The following NLRX1 variants were observed in gnomAD, a reference collection of about 807,000 sequenced individuals.
The protein encoded by NLRX1 is NLR family member X1.
Under a neutral mutation model 74.2 loss-of-function variants are expected in NLRX1, and 67 were observed. The observed-to-expected ratio is 0.90, with a 90% CI of 0.74 to 1.11. The LOEUF is 1.11. Ranked by LOEUF, NLRX1 falls within the 50% of genes least tolerant of loss-of-function variation. NLRX1 has a pLI of 0.00. For synonymous variants in NLRX1, 506 were observed against 559.1 expected, an observed-to-expected ratio of 0.91 and a Z score of 1.34; for missense variants, 1,191 against 1,305.4, an observed-to-expected ratio of 0.91 and a Z score of 1.35.
In NLRX1 at chr11:119,183,013, A is replaced by AG. The variant is rs1592339624; in HGVS notation, c.2607-104dup. ...TTGCAGTTACCTGATCGCACTCTGC[A>AG]GCCAGGAGATGAGTTGTGAGGCCCC... On this transcript the variant is annotated intron_variant, in intron 9 of 9. Coordinates refer to ENST00000409109, the MANE Select transcript of NLRX1 (RefSeq NM_001282144.2). The surrounding 1 kb of genome is among the most constrained non-coding windows in gnomAD (Gnocchi z 5.7). The AG allele has an allele frequency of 2.9e-6, 3 of 1,027,092 alleles. No individual in the cohort carries two copies. In the East Asian group the frequency reaches 7.8e-5, roughly 27 times the overall value. The allele number at this position is 1,027,092 out of a possible 1,614,324, so 63.6% of individuals were successfully genotyped here.
intron 6 of NLRX1, among the ~76,000 whole-genome samples, chr11:119,177,199 A>G (rs895135678): frequency 1.6e-4 from 24 of 151,900 alleles, no homozygotes; most frequent in African/African-American, 5.1e-4. Flanking sequence ...CTCCCAGCTC[A>G]GCCTCCCAAG....
chr11:119,181,487 C>T, intron 8 of NLRX1: 1 of 526,162 alleles, frequency 1.9e-6, no homozygotes, highest in Non-Finnish European at 3.5e-6. Flanking sequence ...CTAAAATCAG[C>T]CTGGGGGAGG....
Position 119,174,484 on chromosome 11 carries a change from C to T in NLRX1, c.881C>T (p.Ala294Val). The T allele has an allele frequency of 6.2e-7, 1 of 1,614,130 alleles. No homozygotes were observed. The highest frequency in any genetic ancestry group is 8.5e-7 in the Non-Finnish European group (1 of 1,179,984). Reference protein sequence around the residue: ...ASILVTTRPSAIGRIPSKYVG... With the variant: ...ASILVTTRPSVIGRIPSKYVG... Reference sequence around the variant, plus strand: ...ATTCTGGTGACCACTCGGCCCTCTGCCATTGGCCGTATCCCCAGCAAGTAC... The same window carrying T: ...ATTCTGGTGACCACTCGGCCCTCTGTCATTGGCCGTATCCCCAGCAAGTAC... The change falls in exon 6 of 10, where the codon GCC (alanine) becomes GTC (valine). Residue 294 changes from alanine to valine, a missense_variant. Physicochemically the swap from Ala to Val is moderately conservative, Grantham distance 64. Coordinates refer to ENST00000409109, the MANE Select transcript of NLRX1 (RefSeq NM_001282144.2).
At chr11:119,171,884 G>A (rs1948558697) in intron 2 of NLRX1, among the ~76,000 whole-genome samples, 1 of 152,030 alleles carries the variant, frequency 6.6e-6, no homozygotes, top group Non-Finnish European at 1.5e-5. Flanking sequence ...TGAACCGGGA[G>A]GCAGAAGTTG....
At position 119,173,937 on chromosome 11, in the gene NLRX1, A is replaced by C. The variant is rs780094615; in HGVS notation, c.688A>C (p.Met230Leu). The C allele has an allele frequency of 6.2e-7, 1 of 1,613,868 alleles. No individual in the cohort carries two copies. The highest frequency in any genetic ancestry group is 1.1e-5 in the South Asian group (1 of 91,076). ...YTPLKEVLPL[M>L]AAAGSHLLFV... ...GCCCCTGAAGGAGGTTCTGCCCCTG[A>C]TGGCTGCTGCTGGGTCCCACCTCCT... The change falls in exon 5 of 10, where the codon ATG becomes CTG. Residue 230 changes from methionine (M) to leucine (L), a missense_variant. Coordinates refer to ENST00000409109, the MANE Select transcript of NLRX1 (RefSeq NM_001282144.2). The surrounding 1 kb of genome is among the most constrained non-coding windows in gnomAD (Gnocchi z 4.0).
chr11:119,175,144 C>T lies in NLRX1; in HGVS notation c.1541C>T (p.Thr514Ile), dbSNP rs1437495012. 2 of 1,614,210 alleles carry T rather than the reference C, an allele frequency of 1.2e-6. No homozygotes were observed. The highest frequency in any genetic ancestry group is 1.7e-5 in the Admixed American group (1 of 60,028). ...LYIVLGLRKT[T>I]LQKVGKEVAE... ...ATTGTGCTGGGTTTGCGCAAGACGA[C>T]CCTGCAAAAGGTGGGCAAGGAAGTG... The change falls in exon 6 of 10, where the codon ACC becomes ATC. Residue 514 changes from threonine (T) to isoleucine (I), a missense_variant. Thr to Ile is a moderately conservative substitution (Grantham distance 89, BLOSUM62 -1). Coordinates refer to ENST00000409109, the MANE Select transcript of NLRX1 (RefSeq NM_001282144.2).
At position 119,183,039 on chromosome 11, in the gene NLRX1, CT is replaced by C. The variant is rs1345345012; in HGVS notation, c.2607-78del. Reference sequence around the variant, plus strand: ...GCCAGGAGATGAGTTGTGAGGCCCCCTGACTTTCCATCCATCTACCCTCGGG... The same window carrying C: ...GCCAGGAGATGAGTTGTGAGGCCCCCGACTTTCCATCCATCTACCCTCGGG... On this transcript the variant is annotated intron_variant, in intron 9 of 9. Coordinates refer to ENST00000409109, the MANE Select transcript of NLRX1 (RefSeq NM_001282144.2). The surrounding 1 kb of genome is among the most constrained non-coding windows in gnomAD (Gnocchi z 5.7). The C allele has an allele frequency of 2.2e-6, 3 of 1,335,962 alleles. No homozygotes were observed. The highest frequency in any genetic ancestry group is 5.0e-5 in the East Asian group (2 of 40,398). 82.8% of individuals were successfully genotyped at this position (1,335,962 alleles called of 1,614,324 possible).
intron 6 of NLRX1, among the ~76,000 whole-genome samples, chr11:119,175,913 A>G (rs1207427630): frequency 3.3e-5 from 5 of 152,202 alleles, no homozygotes; most frequent in Admixed American, 2.6e-4. Context: ...CAGGCGCGTT[A>G]TCAGTGTTCA....
intron 1 of NLRX1, among the ~76,000 whole-genome samples, chr11:119,171,150 A>G (rs1164657231): frequency 6.6e-6 from 1 of 152,190 alleles, no homozygotes; most frequent in African/African-American, 2.4e-5. Flanking sequence ...AAGAAAAAAA[A>G]GGTGGTAGGA....
At chr11:119,171,306 T>A in intron 1 of NLRX1, 50 bp from the exon 2 acceptor site, 1 of 1,334,128 alleles carries the variant, frequency 7.5e-7, no homozygotes, top group Non-Finnish European at 1.0e-6. Flanking sequence ...GGGTTAGGGG[T>A]GCAGGGGAGG....
In NLRX1 at chr11:119,173,682, G is replaced by A. The variant is rs1352034920; in HGVS notation, c.433G>A (p.Ala145Thr). 1.2e-6 allele frequency: 2 copies of A among 1,614,088 alleles called. No homozygotes were observed. The highest frequency in any genetic ancestry group is 1.7e-6 in the Non-Finnish European group (2 of 1,180,020). ...QPPQAGLPPL[A>T]LSQLFNPDAC... is the part of the protein sequence containing the mutation. The stretch of plus-strand genomic sequence containing the variant: ...ACCCCAGGCCGGGCTCCCCCCACTG[G>A]CCTTGTCTCAGCTCTTTAACCCGGA... Residue 145 changes from alanine (A) to threonine (T), a missense_variant, in exon 5 of 10, where the codon GCC (alanine) becomes ACC (threonine). Transcript: ENST00000409109. The surrounding 1 kb of genome is among the most constrained non-coding windows in gnomAD (Gnocchi z 4.0).
chr11:119,181,117 T>G, intron 7 of NLRX1, 54 bp from the exon 8 acceptor site: 1 of 1,266,928 alleles, frequency 7.9e-7, no homozygotes, highest in South Asian at 1.2e-5. Flanking sequence ...ACAGACTGCC[T>G]GCTGAATTCC....
intron 2 of NLRX1, among the ~76,000 whole-genome samples, 179 bp from the exon 3 acceptor site, chr11:119,172,177 A>T (rs1300435745): frequency 6.6e-6 from 1 of 152,238 alleles, no homozygotes; most frequent in African/African-American, 2.4e-5. Context: ...CCTCTCATGG[A>T]GGAGAGAGGA....
In NLRX1 at chr11:119,183,472, A is replaced by G. The variant is rs1948902465; in HGVS notation, c.*33A>G. 6.3e-7 allele frequency: 1 copy of G among 1,582,872 alleles called. No homozygotes were observed. Among genetic ancestry groups the G allele is most frequent in the Non-Finnish European group, 8.6e-7 (1 of 1,166,326 alleles). ...GCGGCAGGCACCTAGCTATGTGACC[A>G]CTGGCCCTAAACCTTTTCCCTCTGT... On this transcript the variant is annotated 3_prime_UTR_variant, in exon 10 of 10. Coordinates refer to ENST00000409109, the MANE Select transcript of NLRX1 (RefSeq NM_001282144.2). This position sits in a 1 kb window ranked among gnomAD's most constrained non-coding sequence, Gnocchi z 5.7.
Position 119,183,898 on chromosome 11 carries a change from A to G in NLRX1, c.*459A>G. On this transcript the variant is annotated 3_prime_UTR_variant, in exon 10 of 10. Transcript: ENST00000409109. This position sits in a 1 kb window ranked among gnomAD's most constrained non-coding sequence, Gnocchi z 5.7. Reference sequence around the variant, plus strand: ...CTGTGGACACCGAGGATGCCCTCACATTGGTGCTTTCTCCTCATCCTCATG... The same window carrying G: ...CTGTGGACACCGAGGATGCCCTCACGTTGGTGCTTTCTCCTCATCCTCATG... The G allele has an allele frequency of 1.3e-6, 1 of 780,766 alleles. No homozygotes were observed. Among genetic ancestry groups the G allele is most frequent in the Non-Finnish European group, 2.4e-6 (1 of 417,940 alleles). 48.4% of individuals were successfully genotyped at this position (780,766 alleles called of 1,614,324 possible).
chr11:119,169,517 G>T (rs1464735486), intron 1 of NLRX1, among the ~76,000 whole-genome samples: 1 of 152,190 alleles, frequency 6.6e-6, no homozygotes, highest in Non-Finnish European at 1.5e-5. Context: ...TCCTCCGCTG[G>T]TTGGCCCTGC....
Position 119,182,108 on chromosome 11 carries a change from C to G in NLRX1, c.2369C>G (p.Pro790Arg). The G allele has an allele frequency of 6.2e-7, 1 of 1,614,100 alleles. No individual in the cohort carries two copies. Among genetic ancestry groups the G allele is most frequent in the Non-Finnish European group, 8.5e-7 (1 of 1,179,992 alleles). ...CGTGGCTGTAGGCTGTCCAACAACC[C>G]GCTGACGGCGGCAGGTGTTGCCGTG... is the stretch of plus-strand genomic sequence containing the variant. ...QITTLRLSNN[P>R]LTAAGVAVLM... Residue 790 changes from proline to arginine, a missense_variant, in exon 9 of 10, where the codon CCG (proline) becomes CGG (arginine). By Grantham distance (103) the Pro-to-Arg change is moderately radical. Transcript: ENST00000409109.
At position 119,180,288 on chromosome 11, in the gene NLRX1, G is replaced by T. The variant is rs771700739; in HGVS notation, c.2267G>T (p.Gly756Val). The T allele has an allele frequency of 6.4e-7, 1 of 1,572,050 alleles. No homozygotes were observed. Among genetic ancestry groups the T allele is most frequent in the Non-Finnish European group, 8.7e-7 (1 of 1,153,016 alleles). The part of the protein sequence containing the change: ...LPVFLRARKL[G>V]LQLNSLGPEA... The stretch of plus-strand genomic sequence containing the variant: ...GTCTTCCTGCGTGCCCGGAAGCTGG[G>T]GTGAGGACCTATCCTCATGCACAGG... Residue 756 changes from glycine (G) to valine (V), a missense_variant and splice_region_variant, in exon 7 of 10, where the codon GGC becomes GTC. By Grantham distance (109) the Gly-to-Val change is moderately radical (BLOSUM62 -3). Transcript: ENST00000409109.
rs1049656446 is a variant in NLRX1 at position 119,168,803 on chromosome 11, C to G, written c.-548C>G. ...CCGGGGTTCCAGCCCTGCGCCTGCT[C>G]CGGAGCACCGGGCCCCTCTCGCTGA... is the stretch of plus-strand genomic sequence containing the variant. On this transcript the variant is annotated 5_prime_UTR_variant, in exon 1 of 10. Transcript: ENST00000409109. 1 of 152,242 alleles carries G rather than the reference C, an allele frequency of 6.6e-6. No homozygotes were observed. Among genetic ancestry groups the G allele is most frequent in the Non-Finnish European group, 1.5e-5 (1 of 68,090 alleles). The allele number at this position is 152,242 out of a possible 1,614,324, so 9.4% of individuals were successfully genotyped here.
Sources: allele counts gnomAD v4.1 joint callset (sites outside exome capture counted in the v4.1 genomes callset), GRCh38; gene constraint gnomAD v4.1.1; non-coding constraint Gnocchi (gnomAD v3.1); transcripts MANE v1.5; gene names NCBI Gene and HGNC (gene_info 2026-07-23, HGNC 2026-07-21).